CDH10: variants seen among roughly 807,000 people sequenced by gnomAD.
CDH10 encodes the protein cadherin-10.
Under a neutral mutation model 73.1 loss-of-function variants are expected in CDH10, and 30 were observed. The observed-to-expected ratio is 0.41, with a 90% confidence interval of 0.31 to 0.56. The LOEUF (loss-of-function observed/expected upper bound fraction) is 0.56, where lower values mean the gene tolerates loss of function less well. Ranked by LOEUF, CDH10 falls within the 20% of genes least tolerant of loss-of-function variation. The pLI, the probability that CDH10 is intolerant of heterozygous loss-of-function variation, is 0.27. For synonymous variants in CDH10, 345 were observed against 348.2 expected (o/e 0.99, Z 0.10); for missense variants, 815 against 973.7 (o/e 0.84, Z 2.17).
At chr5:24,575,355 C>CAACAAAAAAAAAAAA (rs1561173472) in intron 2 of CDH10, among the ~76,000 whole-genome samples, 1 of 123,848 alleles carries the variant, frequency 8.1e-6, no homozygotes, top group East Asian at 2.3e-4. Flanking sequence ...ACAAAAACAA[C>CAACAAAAAAAAAAAA]AAAAAAAAAA....
rs1399655133 is a variant in CDH10, at chr5:24,500,548, T to C, written c.1394-2029A>G. On this transcript the variant is annotated intron_variant, in intron 8 of 11. Coordinates refer to ENST00000264463, the MANE Select transcript of CDH10 (RefSeq NM_006727.5). ...CCCTGGGGTCTAACATAGCTGCTGC[T>C]TTGATTCCCAAGTTCACCACTCATT... 2.0e-5 allele frequency among the ~76,000 whole-genome samples: 3 copies of C among 152,240 alleles called. No homozygotes were observed. In the East Asian group the frequency reaches 5.8e-4, roughly 29 times the overall value.
chr5:24,560,222 G>A (rs143501533), intron 2 of CDH10, among the ~76,000 whole-genome samples: 97,825 of 150,174 alleles, frequency 0.65, 33,225 homozygotes, highest in Non-Finnish European at 0.74. Context: ...GTGTGTGTGT[G>A]TGTGTGTGTG....
intron 11 of CDH10, among the ~76,000 whole-genome samples, chr5:24,490,109 A>C (rs1218260165): frequency 6.6e-6 from 1 of 152,176 alleles, no homozygotes; most frequent in Admixed American, 6.5e-5. Flanking sequence ...AACACGTACT[A>C]AAAACTTACT....
At chr5:24,639,524 T>C (rs1386344889) in intron 1 of CDH10, among the ~76,000 whole-genome samples, 1 of 151,762 alleles carries the variant, frequency 6.6e-6, no homozygotes, top group Non-Finnish European at 1.5e-5. Flanking sequence ...ATATTTAATG[T>C]ATTCAGCTTA....
At chr5:24,639,354 A>G (rs760460705) in intron 1 of CDH10, among the ~76,000 whole-genome samples, 4 of 151,706 alleles carry the variant, frequency 2.6e-5, no homozygotes, top group Non-Finnish European at 5.9e-5. Context: ...TTGTATTAAT[A>G]TTATGTACAA....
chr5:24,572,332 T>A (rs1745414292), intron 2 of CDH10, among the ~76,000 whole-genome samples: 1 of 152,074 alleles, frequency 6.6e-6, no homozygotes, highest in South Asian at 2.1e-4. Flanking sequence ...TAAAACAGAC[T>A]AAAGGCATTC....
At chr5:24,600,485 C>T (rs1374384635) in intron 1 of CDH10, among the ~76,000 whole-genome samples, 4 of 151,944 alleles carry the variant, frequency 2.6e-5, no homozygotes, top group African/African-American at 9.7e-5. Flanking sequence ...CAAGAATTAA[C>T]AATGGGAATC....
chr5:24,609,224 G>A (rs891788187), intron 1 of CDH10, among the ~76,000 whole-genome samples: 2 of 152,154 alleles, frequency 1.3e-5, no homozygotes, highest in Non-Finnish European at 1.5e-5. Flanking sequence ...TAAATAGAAT[G>A]CAGATCATCA....
At chr5:24,625,572 TAC>T (rs1747466130) in intron 1 of CDH10, among the ~76,000 whole-genome samples, 1 of 36,820 alleles carries the variant, frequency 2.7e-5, no homozygotes, top group Non-Finnish European at 1.6e-4. Flanking sequence ...TTCATATATA[TAC>T]ATATATTCAT....
intron 1 of CDH10, among the ~76,000 whole-genome samples, chr5:24,641,724 C>T (rs1405550758): frequency 2.0e-5 from 3 of 151,938 alleles, no homozygotes; most frequent in South Asian, 2.1e-4. Flanking sequence ...GCTCAGTATA[C>T]GTTTAAGAAG....
At chr5:24,563,538 G>T (rs1241520235) in intron 2 of CDH10, among the ~76,000 whole-genome samples, 1 of 141,410 alleles carries the variant, frequency 7.1e-6, no homozygotes, top group Non-Finnish European at 1.5e-5. Flanking sequence ...GGCGGATCAC[G>T]AGGTCAGGAG....
chr5:24,572,597 G>A (rs1745426129), intron 2 of CDH10, among the ~76,000 whole-genome samples: 1 of 151,786 alleles, frequency 6.6e-6, no homozygotes, highest in African/African-American at 2.4e-5. Context: ...ATTGGCTGAT[G>A]GCAGGGGCAT....
chr5:24,572,492 C>G (rs531650600), intron 2 of CDH10, among the ~76,000 whole-genome samples: 1 of 152,056 alleles, frequency 6.6e-6, no homozygotes, highest in East Asian at 1.9e-4. Context: ...AAAGGAAAAG[C>G]TGACAGAATT....
rs74426051 is a variant in CDH10, at chr5:24,638,751, G to C, written c.-124+5843C>G. 2.0e-3 allele frequency among the ~76,000 whole-genome samples: 299 copies of C among 151,730 alleles called. 1 individual carries two copies. The highest frequency in any genetic ancestry group is 0.011 in the South Asian group (53 of 4,822). On this transcript the variant is annotated intron_variant, in intron 1 of 11. Coordinates refer to ENST00000264463, the MANE Select transcript of CDH10 (RefSeq NM_006727.5). ...CCAACTTATAATGCTTTAAGAAGAA[G>C]TCAAAAAAGAATAGAAAATATATTA...
Position 24,505,514 on chromosome 5 carries a change from C to A in CDH10, c.1257-266G>T, listed in dbSNP as rs184451262. Among the ~76,000 whole-genome samples, 4 of 152,282 alleles carry A rather than the reference C, an allele frequency of 2.6e-5. 1 individual carries two copies. The East Asian group carries it at 7.7e-4, about 29-fold the overall frequency. ...GTTGTCTATTGTCATATTCATTCAA[C>A]TGACTTTGATATATTTGGTCACAAA... On this transcript the variant is annotated intron_variant, in intron 7 of 11. Transcript: ENST00000264463.
At chr5:24,558,571 C>T (rs10473697) in intron 2 of CDH10, among the ~76,000 whole-genome samples, 125,576 of 151,570 alleles carry the variant, frequency 0.83, 52,063 homozygotes, top group East Asian at 0.9. Flanking sequence ...ATACTGCATT[C>T]AACTTCCAAA....
At chr5:24,528,226 T>C (rs568767973) in intron 5 of CDH10, among the ~76,000 whole-genome samples, 10 of 152,036 alleles carry the variant, frequency 6.6e-5, no homozygotes, top group African/African-American at 2.4e-4. Context: ...TCATTTTTTT[T>C]CTAGATAATA....
Position 24,518,884 on chromosome 5 carries a change from C to CTTT in CDH10, c.815-7373_815-7371dup, listed in dbSNP as rs36019861. Among the ~76,000 whole-genome samples the CTTT allele has an allele frequency of 9.2e-3, 710 of 77,396 alleles. 11 individuals carry two copies. Among genetic ancestry groups the CTTT allele is most frequent in the Middle Eastern group, 0.043 (4 of 92 alleles). 50.8% of individuals were successfully genotyped at this position (77,396 alleles called of 152,430 possible). On this transcript the variant is annotated intron_variant, in intron 5 of 11. Transcript: ENST00000264463. ...TAATTTTGATTTTTTGACATGTGCACTTTTTTTTTTTTTTTTTTTTTTTTG... is the reference window on the plus strand; with the variant it reads ...TAATTTTGATTTTTTGACATGTGCACTTTTTTTTTTTTTTTTTTTTTTTTTTTG...
At chr5:24,568,179 G>C (rs1276539054) in intron 2 of CDH10, among the ~76,000 whole-genome samples, 3 of 151,810 alleles carry the variant, frequency 2.0e-5, no homozygotes, top group Non-Finnish European at 4.4e-5. Context: ...AAAAAACATA[G>C]GATAGAAACC....
Sources: gnomAD v4.1 joint callset for allele counts (sites outside exome capture counted in the v4.1 genomes callset) on GRCh38, gnomAD v4.1.1 for gene constraint, MANE v1.5 for transcripts, NCBI Gene and HGNC (gene_info 2026-07-23, HGNC 2026-07-21) for gene names.